FBN2: variants seen among roughly 807,000 people sequenced by gnomAD.
FBN2 encodes fibrillin-2.
Under a neutral mutation model 355.6 loss-of-function variants are expected in FBN2, and 105 were observed. The observed-to-expected ratio is 0.30, with a 90% CI of 0.25 to 0.35. The LOEUF (loss-of-function observed/expected upper bound fraction) is 0.35, where lower values mean the gene tolerates loss of function less well. FBN2 is among the 10% of genes least tolerant of loss of function. The probability of loss-of-function intolerance (pLI) is 1.00; values close to 1 mark genes in which losing one functional copy is unlikely to be tolerated. For missense variants in FBN2, 3,280 were observed against 3,758.7 expected, an observed-to-expected ratio of 0.87 and a Z score of 3.33; for synonymous variants, 1,350 against 1,301.2, an observed-to-expected ratio of 1.04 and a Z score of -0.81.
chr5:128,416,911 G>A (rs1206661488), intron 7 of FBN2, among the ~76,000 whole-genome samples: 1 of 152,056 alleles, frequency 6.6e-6, no homozygotes, highest in African/African-American at 2.4e-5. Context: ...TTTTGATAGG[G>A]ATTGCACTGA....
At chr5:128,459,993 G>A (rs919800666) in intron 6 of FBN2, among the ~76,000 whole-genome samples, 2 of 152,072 alleles carry the variant, frequency 1.3e-5, no homozygotes, top group African/African-American at 4.8e-5. Context: ...GAAATAAAGG[G>A]TATTTAAATA....
chr5:128,351,378 C>A (rs2126922885), intron 20 of FBN2, among the ~76,000 whole-genome samples: 1 of 152,202 alleles, frequency 6.6e-6, no homozygotes, highest in South Asian at 2.1e-4. Flanking sequence ...GAAACCCCGT[C>A]TCTACTAAAT....
intron 11 of FBN2, among the ~76,000 whole-genome samples, chr5:128,390,939 A>G (rs183523096): frequency 6.6e-6 from 1 of 152,334 alleles, no homozygotes; most frequent in Middle Eastern, 3.4e-3. Flanking sequence ...CATTTTTATG[A>G]GTTTGATGGT....
chr5:128,368,871 G>A (rs544356549), intron 16 of FBN2, among the ~76,000 whole-genome samples: 20 of 151,092 alleles, frequency 1.3e-4, no homozygotes, highest in African/African-American at 4.4e-4. Context: ...CCAAGACAGG[G>A]TCTCACCCTG....
Position 128,527,956 on chromosome 5 carries a change from T to G in FBN2, c.448A>C (p.Ser150Arg). 6.2e-7 allele frequency: 1 copy of G among 1,610,510 alleles called. No homozygotes were observed. The highest frequency in any genetic ancestry group is 8.5e-7 in the Non-Finnish European group (1 of 1,177,090). The stretch of plus-strand genomic sequence containing the variant: ...GTCCCACCATTCATGCATCTCACAC[T>G]GCACTGCTGAACTGCAAAGAGCAAT... ...TCGSKSIQQC[S>R]VRCMNGGTCA... Residue 150 changes from serine (S) to arginine (R), a missense_variant, in exon 4 of 65, where the codon AGT becomes CGT. This residue lies in a region of FBN2 where 130 missense variants were observed against 189.9 expected (regional missense o/e 0.68). Coordinates refer to ENST00000262464, the MANE Select transcript of FBN2 (RefSeq NM_001999.4).
intron 4 of FBN2, among the ~76,000 whole-genome samples, chr5:128,519,964 C>T (rs900556104): frequency 1.3e-5 from 2 of 151,684 alleles, no homozygotes; most frequent in Admixed American, 1.3e-4. Flanking sequence ...CTATAAAATG[C>T]CAAAAGAAGT....
chr5:128,489,703 C>T (rs1467501823), intron 5 of FBN2, among the ~76,000 whole-genome samples: 1 of 151,778 alleles, frequency 6.6e-6, no homozygotes, highest in African/African-American at 2.4e-5. Context: ...TAACTCTGTA[C>T]AGTGAAGTAG....
intron 7 of FBN2, among the ~76,000 whole-genome samples, chr5:128,416,983 G>A (rs1433159856): frequency 1.3e-5 from 2 of 152,060 alleles, no homozygotes; most frequent in African/African-American, 4.8e-5. Flanking sequence ...TGATCTATAA[G>A]CATGGAATGT....
At chr5:128,379,006 A>G in intron 11 of FBN2, 116 bp from the exon 12 acceptor site, 1 of 1,104,268 alleles carries the variant, frequency 9.1e-7, no homozygotes, top group Non-Finnish European at 1.4e-6. Flanking sequence ...AATAGTCTAA[A>G]TAGCGAAGTA....
chr5:128,374,419 G>A (rs765679760), intron 15 of FBN2, among the ~76,000 whole-genome samples: 15 of 151,896 alleles, frequency 9.9e-5, no homozygotes, highest in Non-Finnish European at 1.8e-4. Flanking sequence ...CGGACTTGCC[G>A]ATTCTGGAGA....
At chr5:128,392,988 GTCTC>G (rs1001356336) in intron 10 of FBN2, 143 bp downstream of exon 10, 51 of 686,142 alleles carry the variant, frequency 7.4e-5, no homozygotes, top group East Asian at 3.0e-4. Flanking sequence ...TTTTCCCTCT[GTCTC>G]TCTCTCTCTC....
At chr5:128,287,192 C>CAT (rs1011220308) in intron 54 of FBN2, 116 bp downstream of exon 54, 1 of 1,230,852 alleles carries the variant, frequency 8.1e-7, no homozygotes, top group African/African-American at 1.5e-5. Flanking sequence ...AAAATGCTGT[C>CAT]ATATATATAT....
At chr5:128,349,766 G>A (rs1002850663) in intron 22 of FBN2, among the ~76,000 whole-genome samples, 189 bp downstream of exon 22, 4 of 152,194 alleles carry the variant, frequency 2.6e-5, no homozygotes, top group African/African-American at 4.8e-5. Flanking sequence ...CCATAAAGAG[G>A]AGAAACGGGA....
intron 46 of FBN2, among the ~76,000 whole-genome samples, chr5:128,302,135 A>G (rs533171187): frequency 6.6e-6 from 1 of 152,324 alleles, no homozygotes; most frequent in South Asian, 2.1e-4. Context: ...CAATTGTGGA[A>G]TTTTGAAAAA....
Position 128,275,399 on chromosome 5 carries a change from C to A in FBN2, c.7594+639G>T, listed in dbSNP as rs1419001390. ...TAAACAATGTACAACTGAACATAAA[C>A]AATGTTCAGTTCACTAAACAGGTCC... On this transcript the variant is annotated intron_variant, in intron 59 of 64. Transcript: ENST00000262464. Among the ~76,000 whole-genome samples the A allele has an allele frequency of 2.0e-5, 3 of 150,546 alleles. No individual in the cohort carries two copies. The East Asian group carries it at 5.8e-4, about 29-fold the overall frequency.
rs149318506 is a variant in FBN2, at chr5:128,389,746, C to G, written c.1603+2272G>C. Among the ~76,000 whole-genome samples the G allele has an allele frequency of 2.1e-3, 317 of 152,256 alleles. 1 individual carries two copies. Among genetic ancestry groups the G allele is most frequent in the African/African-American group, 7.4e-3 (309 of 41,566 alleles). Reference sequence around the variant, plus strand: ...CTTCTGCAGGTAGGATTCCAGAGACCCCTGCAAAGAGTGGGCCACTCCTCA... The same window carrying G: ...CTTCTGCAGGTAGGATTCCAGAGACGCCTGCAAAGAGTGGGCCACTCCTCA... On this transcript the variant is annotated intron_variant, in intron 11 of 64. Coordinates refer to ENST00000262464, the MANE Select transcript of FBN2 (RefSeq NM_001999.4).
chr5:128,480,033 C>G (rs868514786), intron 5 of FBN2, among the ~76,000 whole-genome samples: 1 of 128,698 alleles, frequency 7.8e-6, no homozygotes, highest in Non-Finnish European at 1.6e-5. Flanking sequence ...TGTATATACA[C>G]ACACACACAC....
intron 11 of FBN2, among the ~76,000 whole-genome samples, chr5:128,384,519 G>GA (rs1752316592): frequency 6.6e-6 from 1 of 152,044 alleles, no homozygotes; most frequent in Admixed American, 6.6e-5. Context: ...GATTAACTAA[G>GA]AAAAAGATAT....
Position 128,319,437 on chromosome 5 carries a change from C to T in FBN2, c.4472-436G>A, listed in dbSNP as rs1750305348. ...TATTATGAAAAAACAAATACATAAT[C>T]ATTTTAAATATTGGAGATATTAAAA... On this transcript the variant is annotated intron_variant, in intron 34 of 64. Coordinates refer to ENST00000262464, the MANE Select transcript of FBN2 (RefSeq NM_001999.4). Among the ~76,000 whole-genome samples, 2 of 53,332 alleles carry T rather than the reference C, an allele frequency of 3.8e-5. 1 individual carries two copies. Among genetic ancestry groups the T allele is most frequent in the South Asian group, 1.6e-3 (2 of 1,250 alleles). The allele number at this position is 53,332 out of a possible 152,430, so 35.0% of individuals were successfully genotyped here. A position where few individuals can be genotyped will look rare whatever the true frequency, so the allele number is the denominator to read the frequency against.
Sources: gnomAD v4.1 joint callset for allele counts (sites outside exome capture counted in the v4.1 genomes callset) on GRCh38, gnomAD v4.1.1 for gene constraint, gnomAD v4.1.1 regional missense constraint, MANE v1.5 for transcripts, NCBI Gene and HGNC (gene_info 2026-07-23, HGNC 2026-07-21) for gene names.